DENND4C: variants seen among roughly 807,000 people sequenced by gnomAD.
The protein encoded by DENND4C is DENN domain containing 4C, also known as DENN domain-containing protein 4C.
DENND4C carries 108 observed loss-of-function variants against 203.0 expected under a neutral mutation model. The observed-to-expected ratio is 0.53, with a 90% CI of 0.46 to 0.62. The LOEUF (loss-of-function observed/expected upper bound fraction) is 0.62. DENND4C is among the 20% of genes least tolerant of loss of function. The pLI is 0.00. For synonymous variants in DENND4C, 871 were observed against 792.4 expected (o/e 1.10, Z -1.67); for missense variants, 2,481 against 2,301.2 (o/e 1.08, Z -1.60).
intron 1 of DENND4C, among the ~76,000 whole-genome samples, chr9:19,273,748 A>G (rs1832264295): frequency 6.6e-6 from 1 of 151,002 alleles, no homozygotes; most frequent in Non-Finnish European, 1.5e-5. Flanking sequence ...TAGAATGTCT[A>G]AATTAAAAAG....
At chr9:19,309,613 G>T (rs550280493) in intron 10 of DENND4C, among the ~76,000 whole-genome samples, 3 of 151,528 alleles carry the variant, frequency 2.0e-5, no homozygotes, top group African/African-American at 7.3e-5. Context: ...CCTTACTCCT[G>T]TTCTTTTTAA....
intron 2 of DENND4C, among the ~76,000 whole-genome samples, chr9:19,278,702 T>G (rs1232552790): frequency 6.6e-6 from 1 of 152,210 alleles, no homozygotes; most frequent in Non-Finnish European, 1.5e-5. Context: ...TTCGTTTAAC[T>G]CCTTTAGTAT....
At chr9:19,309,422 CAAAAAA>C (rs778968240) in intron 10 of DENND4C, among the ~76,000 whole-genome samples, 2 of 94,926 alleles carry the variant, frequency 2.1e-5, no homozygotes, top group Non-Finnish European at 4.3e-5. Context: ...AACTCCATCT[CAAAAAA>C]AAAAAAAAAA....
chr9:19,319,675 AC>A (rs1842556210), intron 12 of DENND4C, among the ~76,000 whole-genome samples: 1 of 151,804 alleles, frequency 6.6e-6, no homozygotes, highest in Non-Finnish European at 1.5e-5. Context: ...AAAGATACTT[AC>A]TCAGTTTCTA....
intron 10 of DENND4C, among the ~76,000 whole-genome samples, chr9:19,311,475 A>G (rs1840732013): frequency 6.6e-6 from 1 of 152,328 alleles, no homozygotes. Flanking sequence ...AATTGTGATC[A>G]GAACATTCTC....
chr9:19,275,406 C>T (rs533929386), intron 1 of DENND4C, among the ~76,000 whole-genome samples: 2 of 151,868 alleles, frequency 1.3e-5, no homozygotes, highest in Non-Finnish European at 2.9e-5. Flanking sequence ...GATTCTCATG[C>T]CCCAGCCTCC....
chr9:19,234,042 T>C (rs1821250825), intron 1 of DENND4C, among the ~76,000 whole-genome samples: 1 of 152,228 alleles, frequency 6.6e-6, no homozygotes, highest in Non-Finnish European at 1.5e-5. Context: ...CTGTCTGTGC[T>C]TGTGTATAAT....
At chr9:19,247,981 A>G (rs929605467) in intron 1 of DENND4C, among the ~76,000 whole-genome samples, 9 of 152,044 alleles carry the variant, frequency 5.9e-5, no homozygotes, top group African/African-American at 2.2e-4. Context: ...AATATAAGCC[A>G]TTTTTATTAT....
At chr9:19,369,704 T>A in intron 30 of DENND4C, 133 bp from the exon 31 acceptor site, 1 of 433,804 alleles carries the variant, frequency 2.3e-6, no homozygotes. Flanking sequence ...GAGACGAAGG[T>A]TGCAGTGAGC....
At chr9:19,352,464 C>T (rs1318488226) in intron 25 of DENND4C, 26 bp from the exon 26 acceptor site, 1 of 1,535,128 alleles carries the variant, frequency 6.5e-7, no homozygotes, top group Non-Finnish European at 8.8e-7. Context: ...TAAACGTTCT[C>T]AGTGTCTGCA....
chr9:19,318,040 TG>T (rs1842134238), intron 12 of DENND4C, among the ~76,000 whole-genome samples: 1 of 152,180 alleles, frequency 6.6e-6, no homozygotes, highest in Non-Finnish European at 1.5e-5. Context: ...TTTTCTCTAA[TG>T]GGCGCAGTGG....
At chr9:19,269,623 A>C (rs1169565778) in intron 1 of DENND4C, among the ~76,000 whole-genome samples, 1 of 152,222 alleles carries the variant, frequency 6.6e-6, no homozygotes, top group Non-Finnish European at 1.5e-5. Flanking sequence ...TCTCTTTTTA[A>C]AATTCATCTG....
intron 28 of DENND4C, among the ~76,000 whole-genome samples, chr9:19,359,250 G>T (rs1200751001): frequency 2.0e-5 from 3 of 151,712 alleles, no homozygotes; most frequent in African/African-American, 7.3e-5. Context: ...GTTTAATTAA[G>T]TAATTAATTT....
At position 19,316,637 on chromosome 9, in the gene DENND4C, A is replaced by G; in HGVS notation, c.1605A>G (p.Gln535=). 1.2e-6 allele frequency: 2 copies of G among 1,613,870 alleles called. No individual in the cohort carries two copies. The highest frequency in any genetic ancestry group is 1.7e-6 in the Non-Finnish European group (2 of 1,179,958). ...PQLSSVHQKT[Q]EGSAIDMTPI... is the part of the protein sequence containing the mutation. ...CTTTGTTAGTTCACCAAAAAACTCA[A>G]GAAGGCTCAGCGATTGACATGACTC... Residue 535 remains glutamine, a synonymous_variant, in exon 12 of 33, where the codon CAA becomes CAG. Transcript: ENST00000434457.
Position 19,361,973 on chromosome 9 carries a change from A to G in DENND4C, c.5524+10A>G. The G allele has an allele frequency of 6.6e-7, 1 of 1,518,548 alleles. No individual in the cohort carries two copies. The highest frequency in any genetic ancestry group is 9.1e-7 in the Non-Finnish European group (1 of 1,094,414). The allele number at this position is 1,518,548 out of a possible 1,614,324, so 94.1% of individuals were successfully genotyped here. A position where few individuals can be genotyped will look rare whatever the true frequency, so the allele number is the denominator to read the frequency against. On this transcript the variant is annotated intron_variant, in intron 30 of 32. Coordinates refer to ENST00000434457, the MANE Select transcript of DENND4C (RefSeq NM_001330640.2). Reference sequence around the variant, plus strand: ...TCATGGAGGAATTTTAGTAAGTAAAATAGAATTAAAGACATAACAGCCAGG... The same window carrying G: ...TCATGGAGGAATTTTAGTAAGTAAAGTAGAATTAAAGACATAACAGCCAGG...
chr9:19,281,291 G>A (rs1406414195), intron 2 of DENND4C, among the ~76,000 whole-genome samples: 4 of 152,122 alleles, frequency 2.6e-5, no homozygotes, highest in Non-Finnish European at 4.4e-5. Context: ...AGAGTGTATG[G>A]TTGTCCTTAA....
chr9:19,241,879 C>T (rs1186909816), intron 1 of DENND4C, among the ~76,000 whole-genome samples: 1 of 150,670 alleles, frequency 6.6e-6, no homozygotes, highest in Non-Finnish European at 1.5e-5. Context: ...AGAAGGAGTG[C>T]ACTCAAATGA....
intron 1 of DENND4C, among the ~76,000 whole-genome samples, chr9:19,275,320 TCTCA>T (rs1832676998): frequency 7.7e-6 from 1 of 129,884 alleles, no homozygotes; most frequent in African/African-American, 3.0e-5. Flanking sequence ...TGAGACAGAG[TCTCA>T]CTCTGTCTTC....
rs199710017 is a variant in DENND4C, at chr9:19,248,391, CT to C, written c.-18+17568del. On this transcript the variant is annotated intron_variant, in intron 1 of 32. Coordinates refer to ENST00000434457, the MANE Select transcript of DENND4C (RefSeq NM_001330640.2). ...TTAGGCCCCTGCTTAGATCTTACTT[CT>C]TTTTTTTTTATTTTGAGATGGAGTC... Among the ~76,000 whole-genome samples, 12 of 149,216 alleles carry C rather than the reference CT, an allele frequency of 8.0e-5. No homozygotes were observed. The South Asian group carries it at 1.5e-3, about 19-fold the overall frequency.
Sources: gnomAD v4.1 joint callset for allele counts (sites outside exome capture counted in the v4.1 genomes callset) on GRCh38, gnomAD v4.1.1 for gene constraint, MANE v1.5 for transcripts, NCBI Gene and HGNC (gene_info 2026-07-23, HGNC 2026-07-21) for gene names.